RUFY3: variants seen among roughly 807,000 people sequenced by gnomAD.
The protein encoded by RUFY3 is protein RUFY3.
Under a neutral mutation model 84.0 loss-of-function variants are expected in RUFY3, and 34 were observed. The observed-to-expected ratio is 0.40, with a 90% CI of 0.31 to 0.54. The LOEUF (loss-of-function observed/expected upper bound fraction) is 0.54. Among genes scored for constraint, RUFY3 ranks in the 20% least tolerant of loss-of-function variants. The probability of loss-of-function intolerance (pLI) is 0.39; values close to 1 mark genes in which losing one functional copy is unlikely to be tolerated. For synonymous variants in RUFY3, 242 were observed against 252.9 expected, an observed-to-expected ratio of 0.96 and a Z score of 0.41; for missense variants, 507 against 736.8, an observed-to-expected ratio of 0.69 and a Z score of 3.61.
intron 1 of RUFY3, among the ~76,000 whole-genome samples, chr4:70,708,792 C>G (rs1250778922): frequency 6.6e-6 from 1 of 152,126 alleles, no homozygotes; most frequent in Non-Finnish European, 1.5e-5. Context: ...AGCCTGCAAT[C>G]CCAGCACTTT....
upstream of RUFY3, among the ~76,000 whole-genome samples, chr4:70,718,707 G>A (rs1055507300): frequency 1.3e-5 from 2 of 151,866 alleles, no homozygotes; most frequent in African/African-American, 2.4e-5. Flanking sequence ...ATGTAAAAAC[G>A]GTACTAAGCA....
intron 8 of RUFY3, among the ~76,000 whole-genome samples, chr4:70,782,786 G>A (rs1002579899): frequency 1.3e-5 from 2 of 152,024 alleles, no homozygotes; most frequent in African/African-American, 4.8e-5. Flanking sequence ...GGTGGTGCAT[G>A]CCTATAGTCC....
upstream of RUFY3, chr4:70,721,842 G>A: frequency 1.0e-6 from 1 of 985,392 alleles, no homozygotes; most frequent in Non-Finnish European, 1.2e-6. Flanking sequence ...GAAGTGGGTT[G>A]TACAGGATGA....
At position 70,722,757 on chromosome 4, in the gene RUFY3, G is replaced by A; in HGVS notation, c.178+6G>A. On this transcript the variant is annotated splice_donor_region_variant and intron_variant, in intron 1 of 17. Transcript: ENST00000381006. ...CCCAGAGCCTACCCATGAAGGTATGGTCAGATCCTGTCCGCTAGTATTTCA... is the reference window on the plus strand; with the variant it reads ...CCCAGAGCCTACCCATGAAGGTATGATCAGATCCTGTCCGCTAGTATTTCA... 1.2e-6 allele frequency: 2 copies of A among 1,611,438 alleles called. No homozygotes were observed. The highest frequency in any genetic ancestry group is 1.7e-6 in the Non-Finnish European group (2 of 1,177,894).
chr4:70,765,962 C>T (rs751218467), intron 4 of RUFY3, among the ~76,000 whole-genome samples: 3 of 151,946 alleles, frequency 2.0e-5, no homozygotes, highest in African/African-American at 4.8e-5. Context: ...GGGGTTTCAC[C>T]GTGTTGGCCA....
At chr4:70,729,963 T>C (rs1718966279) in intron 1 of RUFY3, among the ~76,000 whole-genome samples, 2 of 145,714 alleles carry the variant, frequency 1.4e-5, no homozygotes, top group Admixed American at 7.1e-5. Context: ...AGATGGAGTC[T>C]CGCTCTTGTC....
intron 1 of RUFY3, among the ~76,000 whole-genome samples, chr4:70,711,128 A>G (rs1740953627): frequency 6.6e-6 from 1 of 150,802 alleles, no homozygotes; most frequent in African/African-American, 2.4e-5. Flanking sequence ...GAAAATAAAC[A>G]ATTTTTTTAA....
intron 5 of RUFY3, among the ~76,000 whole-genome samples, chr4:70,771,573 C>T (rs1387354134): frequency 6.6e-6 from 1 of 152,138 alleles, no homozygotes; most frequent in Admixed American, 6.5e-5. Context: ...TCACTGTCAT[C>T]CAGGCCGGAG....
chr4:70,744,438 C>T (rs1419171081), intron 1 of RUFY3, among the ~76,000 whole-genome samples: 1 of 151,634 alleles, frequency 6.6e-6, no homozygotes, highest in Non-Finnish European at 1.5e-5. Context: ...TAGGCTCAAA[C>T]GATCCTCCCA....
In RUFY3 at chr4:70,722,140, A is replaced by T. The variant is rs917903220; in HGVS notation, c.-434A>T. 4 of 1,230,938 alleles carry T rather than the reference A, an allele frequency of 3.2e-6. No homozygotes were observed. The African/African-American group carries it at 4.7e-5, about 14-fold the overall frequency. The allele number at this position is 1,230,938 out of a possible 1,614,324, so 76.3% of individuals were successfully genotyped here. A position where few individuals can be genotyped will look rare whatever the true frequency, so the allele number is the denominator to read the frequency against. On this transcript the variant is annotated 5_prime_UTR_variant, in exon 1 of 18. Coordinates refer to ENST00000381006, the MANE Select transcript of RUFY3 (RefSeq NM_001037442.4). ...TATTTTTTGTTCAGGTTTTTCTTTT[A>T]TATTTTTTTTCTGCACAAAGGAGGA...
intron 1 of RUFY3, among the ~76,000 whole-genome samples, chr4:70,747,064 A>G (rs991732870): frequency 3.3e-5 from 5 of 152,238 alleles, no homozygotes; most frequent in South Asian, 2.1e-4. Context: ...TTAAAAGTAC[A>G]TGGTATCTCT....
chr4:70,798,050 C>T (rs552108858), intron 14 of RUFY3, among the ~76,000 whole-genome samples: 2 of 152,008 alleles, frequency 1.3e-5, no homozygotes, highest in Non-Finnish European at 2.9e-5. Context: ...GTATTGACCT[C>T]TCTTCCTTGA....
intron 1 of RUFY3, among the ~76,000 whole-genome samples, chr4:70,737,677 T>C (rs1420390693): frequency 1.0e-5 from 1 of 98,874 alleles, no homozygotes; most frequent in Non-Finnish European, 1.9e-5. Context: ...TTAATTCCTC[T>C]TTTTTTTTTT....
chr4:70,763,279 A>T (rs748038039), intron 2 of RUFY3, among the ~76,000 whole-genome samples: 3 of 151,982 alleles, frequency 2.0e-5, no homozygotes, highest in Non-Finnish European at 4.4e-5. Flanking sequence ...TTAATACCAC[A>T]CAATTTTAGG....
chr4:70,787,358 A>G (rs1730079776), intron 10 of RUFY3, among the ~76,000 whole-genome samples: 1 of 150,540 alleles, frequency 6.6e-6, no homozygotes, highest in African/African-American at 2.4e-5. Flanking sequence ...CCCAGGTTCA[A>G]GAGATTCTCC....
chr4:70,737,982 C>CT (rs747096904), intron 1 of RUFY3, among the ~76,000 whole-genome samples: 9,661 of 121,218 alleles, frequency 0.08, 457 homozygotes, highest in South Asian at 0.13. Context: ...CTATTAATTC[C>CT]TTTTTTTTTT....
chr4:70,780,263 GTTTTTTGT>G (rs1256305755), intron 8 of RUFY3, among the ~76,000 whole-genome samples: 1 of 151,764 alleles, frequency 6.6e-6, no homozygotes, highest in African/African-American at 2.4e-5. Context: ...GCACTTGCTA[GTTTTTTGT>G]TTTTTTGTTT....
chr4:70,749,364 G>A (rs1722742233), intron 1 of RUFY3, among the ~76,000 whole-genome samples: 1 of 152,030 alleles, frequency 6.6e-6, no homozygotes, highest in African/African-American at 2.4e-5. Flanking sequence ...AGAAATCAGT[G>A]TGTTTCCTAG....
chr4:70,750,765 C>T lies in RUFY3; in HGVS notation c.179-11754C>T, dbSNP rs28540228. The stretch of plus-strand genomic sequence containing the variant: ...GTCTCTGCAGTTTTTTTTTGAGGGG[C>T]TTCTTCAAGTATTTACATATGTCTC... On this transcript the variant is annotated intron_variant, in intron 1 of 17. Transcript: ENST00000381006. Among the ~76,000 whole-genome samples, 977 of 152,176 alleles carry T rather than the reference C, an allele frequency of 6.4e-3. 2 individuals are homozygous for T. The highest frequency in any genetic ancestry group is 0.011 in the Non-Finnish European group (719 of 67,988).
Sources: allele counts gnomAD v4.1 joint callset (sites outside exome capture counted in the v4.1 genomes callset), GRCh38; gene constraint gnomAD v4.1.1; transcripts MANE v1.5; gene names NCBI Gene and HGNC (gene_info 2026-07-23, HGNC 2026-07-21).